The following RYR3 variants were observed in gnomAD, a reference collection of about 807,000 sequenced individuals.
RYR3 encodes the protein brain ryanodine receptor-calcium release channel.
Under a neutral mutation model 584.3 loss-of-function variants are expected in RYR3, and 207 were observed. That is an observed-to-expected ratio of 0.35 (90% CI 0.32 to 0.40). RYR3 has a LOEUF of 0.40. RYR3 is among the 10% of genes least tolerant of loss of function. The pLI is 1.00. For synonymous variants in RYR3, 2,416 were observed against 2,248.5 expected (o/e 1.07, Z -2.11); for missense variants, 5,616 against 6,089.2 (o/e 0.92, Z 2.59).
intron 43 of RYR3, among the ~76,000 whole-genome samples, chr15:33,711,641 G>T (rs775090262): frequency 6.6e-6 from 1 of 152,130 alleles, no homozygotes; most frequent in Non-Finnish European, 1.5e-5. Context: ...GATCCCTAAG[G>T]CACGAACAGA....
intron 11 of RYR3, among the ~76,000 whole-genome samples, chr15:33,563,776 T>TAAGAAAGGA (rs1055389620): frequency 6.6e-6 from 1 of 152,016 alleles, no homozygotes; most frequent in African/African-American, 2.4e-5. Flanking sequence ...CAGGTTATGA[T>TAAGAAAGGA]AAGAAAGGAT....
intron 1 of RYR3, among the ~76,000 whole-genome samples, chr15:33,464,507 T>TAC (rs60729541): frequency 0.022 from 2,674 of 120,954 alleles, 82 homozygotes; most frequent in Non-Finnish European, 0.03. Context: ...TATATATACA[T>TAC]ACACATACAC....
intron 4 of RYR3, among the ~76,000 whole-genome samples, chr15:33,532,610 ATAT>A (rs34003540): frequency 0.086 from 13,142 of 152,210 alleles, 663 homozygotes; most frequent in Middle Eastern, 0.12. Flanking sequence ...CAATAACATA[ATAT>A]TATATAAAAT....
intron 10 of RYR3, among the ~76,000 whole-genome samples, chr15:33,561,061 A>G (rs565525297): frequency 1.3e-4 from 20 of 152,372 alleles, no homozygotes; most frequent in Admixed American, 3.9e-4. Context: ...TTGAAGGAAA[A>G]TAAGAGTTGA....
intron 1 of RYR3, chr15:33,467,459 A>C (rs1366722659): frequency 2.0e-6 from 2 of 984,560 alleles, no homozygotes; most frequent in Non-Finnish European, 2.4e-6. Context: ...ATGGCTCTCT[A>C]TTGTTCTGGC....
chr15:33,377,479 A>C (rs1015028403), intron 1 of RYR3, among the ~76,000 whole-genome samples: 4 of 152,222 alleles, frequency 2.6e-5, no homozygotes. Context: ...TCACCCTAAC[A>C]GCAAAGAAGG....
At chr15:33,727,452 A>G (rs1378742569) in intron 46 of RYR3, among the ~76,000 whole-genome samples, 1 of 152,326 alleles carries the variant, frequency 6.6e-6, no homozygotes, top group East Asian at 1.9e-4. Flanking sequence ...AATGCTGTGG[A>G]ATACATCACA....
chr15:33,809,612 C>CTTTT, intron 70 of RYR3, among the ~76,000 whole-genome samples: 1 of 132,294 alleles, frequency 7.6e-6, no homozygotes, highest in South Asian at 2.7e-4. Context: ...TCCTCTCTCT[C>CTTTT]TTTTTTTTTT....
chr15:33,517,891 T>A (rs2053652763), intron 3 of RYR3, among the ~76,000 whole-genome samples: 1 of 152,190 alleles, frequency 6.6e-6, no homozygotes, highest in Admixed American at 6.5e-5. Context: ...GACAGCATGA[T>A]TTAATAATAG....
At chr15:33,633,722 A>G (rs932021038) in intron 24 of RYR3, among the ~76,000 whole-genome samples, 1 of 152,204 alleles carries the variant, frequency 6.6e-6, no homozygotes, top group African/African-American at 2.4e-5. Flanking sequence ...ACAGCATGTT[A>G]TACATATGAG....
chr15:33,838,049 T>C lies in RYR3; in HGVS notation c.12069T>C (p.Asn4023=). 1 of 1,613,952 alleles carries C rather than the reference T, an allele frequency of 6.2e-7. No homozygotes were observed. The highest frequency in any genetic ancestry group is 8.5e-7 in the Non-Finnish European group (1 of 1,179,880). The change falls in exon 89 of 104, where the codon AAT becomes AAC. Residue 4023 remains asparagine (N), a synonymous_variant. Coordinates refer to ENST00000634891, the MANE Select transcript of RYR3 (RefSeq NM_001036.6). ...TGGACCCAGCAGAAAGTGTGCTAAATTACTTCGAACCCTACCTAGGACGCA... is the reference window on the plus strand; with the variant it reads ...TGGACCCAGCAGAAAGTGTGCTAAACTACTTCGAACCCTACCTAGGACGCA... ...CLLDPAESVL[N]YFEPYLGRIE...
At chr15:33,650,200 A>AAC (rs1374167794) in intron 31 of RYR3, among the ~76,000 whole-genome samples, 1 of 152,116 alleles carries the variant, frequency 6.6e-6, no homozygotes, top group Non-Finnish European at 1.5e-5. Context: ...AACATGGTGA[A>AAC]ACCCCGTCTC....
In RYR3 at chr15:33,861,155, A is replaced by G. The variant is rs1456931241; in HGVS notation, c.14442A>G (p.Gln4814=). 1.3e-6 allele frequency: 2 copies of G among 1,593,806 alleles called. No homozygotes were observed. The highest frequency in any genetic ancestry group is 8.6e-7 in the Non-Finnish European group (1 of 1,168,972). Residue 4814 remains glutamine (Q), a synonymous_variant, in exon 102 of 104, where the codon CAA becomes CAG. Transcript: ENST00000634891. ...ATGGTTTTGAAACACATACATTACA[A>G]GAGCACAACTTAGCCAACTACTTGT... ...TPHGFETHTL[Q]EHNLANYLFF... is the part of the protein sequence containing the mutation.
At chr15:33,628,669 C>A in intron 21 of RYR3, 94 bp downstream of exon 21, 1 of 791,290 alleles carries the variant, frequency 1.3e-6, no homozygotes, top group Non-Finnish European at 2.2e-6. Flanking sequence ...TCATTGCATT[C>A]ACTAGTTAGG....
chr15:33,854,699 A>T, intron 97 of RYR3, 67 bp from the exon 98 acceptor site: 1 of 1,534,994 alleles, frequency 6.5e-7, no homozygotes, highest in Non-Finnish European at 8.7e-7. Flanking sequence ...AAAATAAGAA[A>T]AAATGTTTTA....
At chr15:33,629,188 T>A (rs751205932) in intron 21 of RYR3, among the ~76,000 whole-genome samples, 5 of 152,240 alleles carry the variant, frequency 3.3e-5, no homozygotes, top group Non-Finnish European at 7.3e-5. Flanking sequence ...GAACTCCTAA[T>A]ATCTAGCTCA....
chr15:33,662,149 T>A lies in RYR3; in HGVS notation c.4623-4T>A. Reference sequence around the variant, plus strand: ...GTGTGGCTGATTGCTCGTCCTGTCCTCAGGTGTGTGGATATCCTGGAGCTC... The same window carrying A: ...GTGTGGCTGATTGCTCGTCCTGTCCACAGGTGTGTGGATATCCTGGAGCTC... On this transcript the variant is annotated splice_polypyrimidine_tract_variant and splice_region_variant and intron_variant, in intron 34 of 103. Transcript: ENST00000634891. 1 of 1,582,490 alleles carries A rather than the reference T, an allele frequency of 6.3e-7. No homozygotes were observed. Among genetic ancestry groups the A allele is most frequent in the Non-Finnish European group, 8.6e-7 (1 of 1,164,708 alleles).
At chr15:33,820,620 C>T (rs1255173545) in intron 77 of RYR3, 136 bp from the exon 78 acceptor site, 2 of 682,428 alleles carry the variant, frequency 2.9e-6, no homozygotes, top group African/African-American at 3.6e-5. Flanking sequence ...CAAAATGTTC[C>T]TGGCTTTACA....
Position 33,819,872 on chromosome 15 carries a change from A to G in RYR3, c.10758+65A>G, listed in dbSNP as rs937805059. The G allele has an allele frequency of 1.2e-5, 16 of 1,306,676 alleles. No homozygotes were observed. The African/African-American group carries it at 1.9e-4, about 16-fold the overall frequency. The allele number at this position is 1,306,676 out of a possible 1,614,324, so 80.9% of individuals were successfully genotyped here. A position where few individuals can be genotyped will look rare whatever the true frequency, so the allele number is the denominator to read the frequency against. ...TCTTCCCTTAGATTTCTTTAGGCGC[A>G]TGAAAATTGTCATGTTGAATAGCAG... On this transcript the variant is annotated intron_variant, in intron 77 of 103. Transcript: ENST00000634891.
Sources: allele counts gnomAD v4.1 joint callset (sites outside exome capture counted in the v4.1 genomes callset), GRCh38; gene constraint gnomAD v4.1.1; transcripts MANE v1.5; gene names NCBI Gene and HGNC (gene_info 2026-07-23, HGNC 2026-07-21).